Variants in PTK2 observed in about 807,000 individuals in gnomAD.
PTK2 encodes the protein focal adhesion kinase 1.
A neutral mutation model predicts 150.1 loss-of-function variants in PTK2; 45 were observed. The ratio of observed to expected loss-of-function variants is 0.30; its 90% CI spans 0.24 to 0.38. The LOEUF is 0.38. Ranked by LOEUF, PTK2 falls within the 10% of genes least tolerant of loss-of-function variation. The pLI, the probability that PTK2 is intolerant of heterozygous loss-of-function variation, is 1.00. For synonymous variants in PTK2, 432 were observed against 449.2 expected (o/e 0.96, Z 0.48); for missense variants, 919 against 1,307.3 (o/e 0.70, Z 4.58).
intron 2 of PTK2, among the ~76,000 whole-genome samples, chr8:140,893,149 G>A (rs1442114231): frequency 1.3e-5 from 2 of 152,018 alleles, no homozygotes; most frequent in African/African-American, 2.4e-5. Flanking sequence ...GCAACATGGC[G>A]AAACCCCATC....
chr8:140,736,046 C>A (rs2100052423), intron 21 of PTK2, among the ~76,000 whole-genome samples: 1 of 152,230 alleles, frequency 6.6e-6, no homozygotes, highest in Non-Finnish European at 1.5e-5. Context: ...ATAAATGCCA[C>A]AGTGTGACCT....
chr8:140,848,023 A>G (rs559948503), intron 5 of PTK2, among the ~76,000 whole-genome samples: 13 of 152,164 alleles, frequency 8.5e-5, no homozygotes, highest in Non-Finnish European at 1.9e-4. Flanking sequence ...CTACCCACTC[A>G]TCCTCTTCAT....
At chr8:140,676,014 C>A (rs2100013417) in intron 27 of PTK2, among the ~76,000 whole-genome samples, 1 of 152,180 alleles carries the variant, frequency 6.6e-6, no homozygotes, top group Non-Finnish European at 1.5e-5. Context: ...ACCTAAGTGT[C>A]CATCAATGAA....
At chr8:140,974,965 C>T (rs1191019963) in intron 1 of PTK2, among the ~76,000 whole-genome samples, 1 of 152,202 alleles carries the variant, frequency 6.6e-6, no homozygotes, top group Non-Finnish European at 1.5e-5. Flanking sequence ...TCTCTCTCAG[C>T]CTTGCCATTT....
intron 27 of PTK2, among the ~76,000 whole-genome samples, chr8:140,684,098 T>C (rs1278865876): frequency 6.6e-6 from 1 of 152,218 alleles, no homozygotes; most frequent in Non-Finnish European, 1.5e-5. Flanking sequence ...TGTGATTTTA[T>C]ACACAGAAAA....
intron 26 of PTK2, among the ~76,000 whole-genome samples, chr8:140,689,544 T>C (rs1213753487): frequency 6.6e-6 from 1 of 152,216 alleles, no homozygotes; most frequent in Non-Finnish European, 1.5e-5. Context: ...CTAACAGTAT[T>C]GTATTATTGT....
intron 2 of PTK2, among the ~76,000 whole-genome samples, chr8:140,904,923 T>G (rs964935131): frequency 3.9e-5 from 6 of 152,076 alleles, no homozygotes; most frequent in African/African-American, 1.2e-4. Flanking sequence ...CGGTCTATTT[T>G]GTTAATCTTT....
chr8:140,904,444 C>A (rs1010035708), intron 2 of PTK2, among the ~76,000 whole-genome samples: 1 of 152,074 alleles, frequency 6.6e-6, no homozygotes. Context: ...TCAGGCATAT[C>A]GGCCTGAAAT....
intron 1 of PTK2, among the ~76,000 whole-genome samples, chr8:140,997,055 G>A (rs1455658920): frequency 2.0e-5 from 3 of 152,180 alleles, no homozygotes; most frequent in Non-Finnish European, 2.9e-5. Flanking sequence ...ATTATGAACA[G>A]GAGTTTGGAA....
chr8:140,818,975 C>A (rs746207802), exon 9 of PTK2: 2 of 1,613,490 alleles, frequency 1.2e-6, no homozygotes, highest in South Asian at 1.1e-5. Flanking sequence ...TTAAGGTTGG[C>A]AAATTGTCTA....
intron 4 of PTK2, among the ~76,000 whole-genome samples, chr8:140,874,838 C>T (rs2100144612): frequency 6.6e-6 from 1 of 152,140 alleles, no homozygotes; most frequent in African/African-American, 2.4e-5. Context: ...CATCAAATTA[C>T]TTTGCTTCTG....
intron 1 of PTK2, among the ~76,000 whole-genome samples, chr8:140,949,714 C>T (rs925618964): frequency 1.4e-4 from 22 of 152,306 alleles, no homozygotes; most frequent in African/African-American, 5.1e-4. Context: ...GCAGGCACAC[C>T]TCGTCATGAA....
chr8:140,895,577 G>A (rs1012415695), intron 2 of PTK2, among the ~76,000 whole-genome samples: 1 of 151,898 alleles, frequency 6.6e-6, no homozygotes, highest in Non-Finnish European at 1.5e-5. Flanking sequence ...AGCGAAGGTT[G>A]AGTATCTCTA....
intron 24 of PTK2, 106 bp downstream of exon 27, chr8:140,706,013 A>G: frequency 1.1e-6 from 1 of 903,784 alleles, no homozygotes; most frequent in Non-Finnish European, 1.7e-6. Flanking sequence ...TATCGGCCAA[A>G]TCATACTCAT....
chr8:140,954,153 T>A (rs953617426), intron 1 of PTK2, among the ~76,000 whole-genome samples: 2 of 152,124 alleles, frequency 1.3e-5, no homozygotes, highest in African/African-American at 4.8e-5. Flanking sequence ...CTAATTTTTG[T>A]CTGTTTAGCA....
chr8:140,699,620 G>A, intron 26 of PTK2, among the ~76,000 whole-genome samples: 1 of 152,216 alleles, frequency 6.6e-6, no homozygotes. Context: ...TATACAGCCT[G>A]CAGTAGCAAG....
chr8:140,781,131 G>C (rs1053772421), intron 14 of PTK2, among the ~76,000 whole-genome samples: 2 of 152,086 alleles, frequency 1.3e-5, no homozygotes, highest in East Asian at 3.8e-4. Flanking sequence ...CGGGGTGGGG[G>C]AAGACTTGAG....
chr8:140,708,968 C>A (rs1376764797), intron 23 of PTK2, among the ~76,000 whole-genome samples: 302 of 132,302 alleles, frequency 2.3e-3, no homozygotes, highest in Non-Finnish European at 2.9e-3. Context: ...TAAATTCAGG[C>A]AAAAAAAAAA....
intron 2 of PTK2, among the ~76,000 whole-genome samples, chr8:140,915,033 CAAAAAA>C (rs10661609): frequency 1.3e-4 from 7 of 53,088 alleles, no homozygotes; most frequent in African/African-American, 1.5e-4. Flanking sequence ...AACTCCAACT[CAAAAAA>C]AAAAAAAAAA....
Sources: gnomAD v4.1 joint callset for allele counts (sites outside exome capture counted in the v4.1 genomes callset) on GRCh38, gnomAD v4.1.1 for gene constraint, MANE v1.5 for transcripts, NCBI Gene and HGNC (gene_info 2026-07-23, HGNC 2026-07-21) for gene names.